The following NKAIN2 variants were observed in gnomAD, a reference collection of about 807,000 sequenced individuals.
NKAIN2 encodes sodium/potassium-transporting ATPase subunit beta-1-interacting protein 2.
Under a neutral mutation model 32.6 loss-of-function variants are expected in NKAIN2, and 14 were observed. The observed-to-expected ratio is 0.43, with a 90% CI of 0.28 to 0.67. The LOEUF is 0.67. Among genes scored for constraint, NKAIN2 ranks in the 30% least tolerant of loss-of-function variants. The pLI is 0.17. For missense variants in NKAIN2, 198 were observed against 258.3 expected (o/e 0.77, Z 1.60); for synonymous variants, 80 against 87.2 (o/e 0.92, Z 0.46).
chr6:123,923,889 T>C (rs1214322416), intron 1 of NKAIN2, among the ~76,000 whole-genome samples: 1 of 151,218 alleles, frequency 6.6e-6, no homozygotes, highest in African/African-American at 2.4e-5. Context: ...CATGTATATG[T>C]ATGTAACTAA....
At chr6:124,002,274 T>C (rs1041114181) in intron 1 of NKAIN2, among the ~76,000 whole-genome samples, 47 of 152,168 alleles carry the variant, frequency 3.1e-4, no homozygotes, top group African/African-American at 1.1e-3. Flanking sequence ...TGGTTGGGGA[T>C]AGAGGGAAAA....
chr6:124,079,572 G>A (rs1451901494), intron 1 of NKAIN2, among the ~76,000 whole-genome samples: 1 of 152,130 alleles, frequency 6.6e-6, no homozygotes, highest in Non-Finnish European at 1.5e-5. Flanking sequence ...TATAGCCTTT[G>A]ATAATAAGGT....
intron 1 of NKAIN2, among the ~76,000 whole-genome samples, chr6:123,941,360 T>A (rs2114554987): frequency 6.6e-6 from 1 of 152,046 alleles, no homozygotes; most frequent in East Asian, 1.9e-4. Flanking sequence ...CATATAGTCA[T>A]TTATTATCAT....
intron 5 of NKAIN2, among the ~76,000 whole-genome samples, chr6:124,795,261 T>G (rs2759378): frequency 0.91 from 137,956 of 152,172 alleles, 63,194 homozygotes; most frequent in East Asian, 1. Context: ...AAATGTTCTT[T>G]AAGTCAACAT....
At chr6:124,770,904 G>A (rs531958910) in intron 4 of NKAIN2, among the ~76,000 whole-genome samples, 2 of 152,250 alleles carry the variant, frequency 1.3e-5, no homozygotes, top group African/African-American at 4.8e-5. Context: ...CACGTACACA[G>A]TTCATCTTCC....
chr6:124,608,826 C>T (rs1782587940), intron 3 of NKAIN2, among the ~76,000 whole-genome samples: 1 of 152,154 alleles, frequency 6.6e-6, no homozygotes, highest in African/African-American at 2.4e-5. Context: ...AATTAGGCAG[C>T]TCTGTTGACC....
intron 4 of NKAIN2, among the ~76,000 whole-genome samples, chr6:124,717,231 A>ACTTCTTCCTG: frequency 6.6e-6 from 1 of 152,346 alleles, no homozygotes; most frequent in Admixed American, 6.5e-5. Flanking sequence ...ATTATTCTAT[A>ACTTCTTCCTG]AATTGTAGCA....
At chr6:124,151,565 A>T (rs1787726694) in intron 1 of NKAIN2, among the ~76,000 whole-genome samples, 1 of 152,062 alleles carries the variant, frequency 6.6e-6, no homozygotes, top group Non-Finnish European at 1.5e-5. Flanking sequence ...GCTAGGTCAC[A>T]GAGAGTGCAT....
At chr6:124,398,114 G>A (rs978448062) in intron 3 of NKAIN2, among the ~76,000 whole-genome samples, 2 of 151,578 alleles carry the variant, frequency 1.3e-5, no homozygotes, top group African/African-American at 2.4e-5. Flanking sequence ...TTAGCCGGGC[G>A]TGGTTGCGGG....
intron 3 of NKAIN2, among the ~76,000 whole-genome samples, chr6:124,536,548 T>C (rs1380361916): frequency 2.0e-5 from 3 of 152,000 alleles, no homozygotes; most frequent in African/African-American, 4.8e-5. Flanking sequence ...ACTTAAGTAA[T>C]TCCCTTGCCT....
chr6:124,032,027 A>G (rs900510563), intron 1 of NKAIN2, among the ~76,000 whole-genome samples: 3 of 152,046 alleles, frequency 2.0e-5, no homozygotes, highest in African/African-American at 7.2e-5. Context: ...ATGTCCATCA[A>G]TGATAGACTG....
chr6:123,821,525 G>A (rs1254034417), intron 1 of NKAIN2, among the ~76,000 whole-genome samples: 1 of 152,178 alleles, frequency 6.6e-6, no homozygotes, highest in Non-Finnish European at 1.5e-5. Flanking sequence ...CAGCTGCAGA[G>A]TATATCTAGA....
At chr6:124,677,038 G>A (rs978911735) in intron 4 of NKAIN2, among the ~76,000 whole-genome samples, 5 of 151,954 alleles carry the variant, frequency 3.3e-5, no homozygotes, top group Non-Finnish European at 5.9e-5. Flanking sequence ...GCGTGATCTC[G>A]GCTCACTGCA....
intron 1 of NKAIN2, among the ~76,000 whole-genome samples, chr6:124,043,034 T>C (rs967181169): frequency 2.0e-5 from 3 of 150,692 alleles, no homozygotes; most frequent in Admixed American, 6.6e-5. Context: ...ATAGAAAATA[T>C]CTGTTTTTCT....
chr6:124,230,496 C>T (rs186560019), intron 1 of NKAIN2, among the ~76,000 whole-genome samples: 259 of 152,224 alleles, frequency 1.7e-3, no homozygotes, highest in Middle Eastern at 3.4e-3. Flanking sequence ...GTCTTTAGGG[C>T]GTGTCAGAGC....
At chr6:124,095,995 T>G (rs1784632107) in intron 1 of NKAIN2, among the ~76,000 whole-genome samples, 1 of 152,226 alleles carries the variant, frequency 6.6e-6, no homozygotes, top group Non-Finnish European at 1.5e-5. Flanking sequence ...TTAGGCACAT[T>G]GTTTCTCTAT....
intron 1 of NKAIN2, among the ~76,000 whole-genome samples, chr6:123,862,703 A>G (rs1270622216): frequency 6.6e-6 from 1 of 151,958 alleles, no homozygotes; most frequent in Non-Finnish European, 1.5e-5. Flanking sequence ...CACAATATCC[A>G]TTGTTACTAT....
intron 2 of NKAIN2, among the ~76,000 whole-genome samples, chr6:124,332,465 C>G (rs1364868964): frequency 6.6e-6 from 1 of 152,134 alleles, no homozygotes; most frequent in Admixed American, 6.5e-5. Flanking sequence ...AACATATCCT[C>G]TAAGGCCCTA....
chr6:124,363,522 G>C (rs1043779676), intron 3 of NKAIN2, among the ~76,000 whole-genome samples: 1 of 152,132 alleles, frequency 6.6e-6, no homozygotes, highest in Non-Finnish European at 1.5e-5. Flanking sequence ...TCTGTACCAG[G>C]CTAAAAATAT....
Sources: gnomAD v4.1 joint callset for allele counts (sites outside exome capture counted in the v4.1 genomes callset) on GRCh38, gnomAD v4.1.1 for gene constraint, MANE v1.5 for transcripts, NCBI Gene and HGNC (gene_info 2026-07-23, HGNC 2026-07-21) for gene names.